NALCN: variants seen among roughly 807,000 people sequenced by gnomAD.
NALCN encodes the protein sodium leak channel NALCN.
A neutral mutation model predicts 225.3 loss-of-function variants in NALCN; 111 were observed. The observed-to-expected ratio is 0.49, with a 90% confidence interval of 0.42 to 0.58. The LOEUF (loss-of-function observed/expected upper bound fraction) is 0.58. Among genes scored for constraint, NALCN ranks in the 20% least tolerant of loss-of-function variants. NALCN has a pLI of 0.00. For missense variants in NALCN, 1,378 were observed against 2,202.4 expected (o/e 0.63, Z 7.49); for synonymous variants, 764 against 769.0 (o/e 0.99, Z 0.11).
chr13:101,190,000 G>A (rs925332601), intron 14 of NALCN, among the ~76,000 whole-genome samples: 1 of 151,978 alleles, frequency 6.6e-6, no homozygotes, highest in African/African-American at 2.4e-5. Context: ...GCCCAAGAAG[G>A]CTATATACCA....
intron 14 of NALCN, among the ~76,000 whole-genome samples, chr13:101,184,748 T>C (rs1439919244): frequency 6.6e-6 from 1 of 152,188 alleles, no homozygotes; most frequent in African/African-American, 2.4e-5. Context: ...GCCTTGTCAT[T>C]CACAATGGAT....
chr13:101,323,159 T>C (rs931261749), intron 7 of NALCN, among the ~76,000 whole-genome samples: 4 of 152,230 alleles, frequency 2.6e-5, no homozygotes, highest in Non-Finnish European at 5.9e-5. Context: ...ATTTCACATA[T>C]GTATACTTAA....
chr13:101,306,005 G>A (rs187038012), intron 7 of NALCN, among the ~76,000 whole-genome samples: 1 of 152,332 alleles, frequency 6.6e-6, no homozygotes, highest in Admixed American at 6.5e-5. Context: ...TAAAAGGGAA[G>A]AGTGTGTTGG....
At chr13:101,246,958 A>G (rs182635229) in intron 11 of NALCN, among the ~76,000 whole-genome samples, 2 of 152,338 alleles carry the variant, frequency 1.3e-5, no homozygotes, top group Non-Finnish European at 2.9e-5. Flanking sequence ...TGTTTCAAAC[A>G]TACTGTGATC....
At chr13:101,192,089 C>G in intron 13 of NALCN, 35 bp from the exon 14 acceptor site, 2 of 1,566,962 alleles carry the variant, frequency 1.3e-6, no homozygotes, top group Non-Finnish European at 1.7e-6. Context: ...TACACACTAG[C>G]TTTAGGCTTG....
intron 7 of NALCN, among the ~76,000 whole-genome samples, chr13:101,320,204 C>T (rs753724769): frequency 2.6e-5 from 4 of 152,112 alleles, no homozygotes; most frequent in African/African-American, 7.2e-5. Context: ...TACACGTATG[C>T]GACAACTTTT....
chr13:101,373,698 T>C (rs1424171594), intron 6 of NALCN, among the ~76,000 whole-genome samples: 1 of 152,182 alleles, frequency 6.6e-6, no homozygotes, highest in African/African-American at 2.4e-5. Flanking sequence ...CCGATGTCCA[T>C]TCCAACCACT....
At chr13:101,272,189 T>C (rs1011933932) in intron 10 of NALCN, among the ~76,000 whole-genome samples, 1 of 152,118 alleles carries the variant, frequency 6.6e-6, no homozygotes, top group Non-Finnish European at 1.5e-5. Flanking sequence ...TACACATGCA[T>C]GCTGTGTTTT....
intron 34 of NALCN, among the ~76,000 whole-genome samples, chr13:101,078,656 G>A (rs1349241376): frequency 1.3e-5 from 2 of 152,166 alleles, no homozygotes; most frequent in African/African-American, 4.8e-5. Flanking sequence ...TGATTTTACA[G>A]GCTCATAGGC....
chr13:101,078,994 T>C (rs2033448489), intron 34 of NALCN, among the ~76,000 whole-genome samples: 1 of 152,172 alleles, frequency 6.6e-6, no homozygotes, highest in African/African-American at 2.4e-5. Context: ...ATAAGGGACT[T>C]CCCCCTTTGC....
intron 15 of NALCN, among the ~76,000 whole-genome samples, chr13:101,168,504 C>T (rs1039355405): frequency 2.6e-5 from 4 of 152,178 alleles, no homozygotes; most frequent in Non-Finnish European, 4.4e-5. Flanking sequence ...ATCTGGGTGA[C>T]ATCCCTGTGT....
chr13:101,408,531 G>C (rs958902855), intron 1 of NALCN, among the ~76,000 whole-genome samples: 1 of 152,158 alleles, frequency 6.6e-6, no homozygotes, highest in Non-Finnish European at 1.5e-5. Context: ...GCGGCAATGC[G>C]TGTCTCCACA....
chr13:101,263,796 AG>A (rs932050675), intron 10 of NALCN, among the ~76,000 whole-genome samples: 7 of 152,246 alleles, frequency 4.6e-5, no homozygotes, highest in Non-Finnish European at 1.0e-4. Context: ...ATAAGAATTA[AG>A]GTGATAAATA....
chr13:101,074,737 AG>A, intron 35 of NALCN, 75 bp from the exon 36 acceptor site: 1 of 1,481,006 alleles, frequency 6.8e-7, no homozygotes, highest in Non-Finnish European at 9.0e-7. Context: ...AGAGAGAGAG[AG>A]AGAGAATATT....
intron 33 of NALCN, among the ~76,000 whole-genome samples, chr13:101,081,934 G>A (rs1254327352): frequency 6.6e-6 from 1 of 152,090 alleles, no homozygotes; most frequent in African/African-American, 2.4e-5. Context: ...CTGGAGTGCA[G>A]TGGCATGATC....
intron 30 of NALCN, among the ~76,000 whole-genome samples, 193 bp from the exon 31 acceptor site, chr13:101,083,997 C>CTCT (rs2033803958): frequency 6.6e-6 from 1 of 152,070 alleles, no homozygotes; most frequent in Non-Finnish European, 1.5e-5. Context: ...AAAATGATGA[C>CTCT]CAGGTGTTTC....
intron 6 of NALCN, among the ~76,000 whole-genome samples, chr13:101,354,339 C>T (rs115532069): frequency 0.032 from 4,914 of 152,096 alleles, 270 homozygotes; most frequent in African/African-American, 0.11. Flanking sequence ...TGAGATTCCA[C>T]CTCAAAAAGA....
chr13:101,411,393 G>C (rs983215272), intron 1 of NALCN, among the ~76,000 whole-genome samples: 1 of 150,746 alleles, frequency 6.6e-6, no homozygotes, highest in East Asian at 2.0e-4. Context: ...GCCCAGGCTG[G>C]AGTGTAATGC....
At chr13:101,236,764 T>A (rs1392046092) in intron 12 of NALCN, among the ~76,000 whole-genome samples, 1 of 70,082 alleles carries the variant, frequency 1.4e-5, no homozygotes, top group Non-Finnish European at 2.7e-5. Flanking sequence ...GGGCCTGTTG[T>A]GGGGTGGGGG....
Sources: gnomAD v4.1 joint callset for allele counts (sites outside exome capture counted in the v4.1 genomes callset) on GRCh38, gnomAD v4.1.1 for gene constraint, MANE v1.5 for transcripts, NCBI Gene and HGNC (gene_info 2026-07-23, HGNC 2026-07-21) for gene names.